KIF16B: variants seen among roughly 807,000 people sequenced by gnomAD.
KIF16B encodes the protein kinesin family member 16B.
KIF16B carries 98 observed loss-of-function variants against 156.3 expected under a neutral mutation model. The observed-to-expected ratio is 0.63, with a 90% CI of 0.53 to 0.74. The LOEUF is 0.74. Ranked by LOEUF, KIF16B falls within the 30% of genes least tolerant of loss-of-function variation. The pLI is 0.00. For missense variants in KIF16B, 1,421 were observed against 1,606.5 expected, an observed-to-expected ratio of 0.88 and a Z score of 1.97; for synonymous variants, 564 against 583.7, an observed-to-expected ratio of 0.97 and a Z score of 0.49.
chr20:16,552,106 T>C (rs16997876), intron 1 of KIF16B, among the ~76,000 whole-genome samples: 14,545 of 152,220 alleles, frequency 0.096, 782 homozygotes, highest in East Asian at 0.29. Flanking sequence ...TGATTAATCA[T>C]GCCTTTTAAT....
chr20:16,337,189 G>A (rs1449132143), intron 23 of KIF16B, among the ~76,000 whole-genome samples: 3 of 152,122 alleles, frequency 2.0e-5, no homozygotes, highest in Non-Finnish European at 4.4e-5. Flanking sequence ...GCCTTTGCAC[G>A]GGCCATGCTC....
At chr20:16,289,851 A>C (rs1172086698) in intron 25 of KIF16B, among the ~76,000 whole-genome samples, 2 of 152,186 alleles carry the variant, frequency 1.3e-5, no homozygotes, top group Non-Finnish European at 2.9e-5. Context: ...AAAAACAAAC[A>C]AAGAAAAGAG....
intron 9 of KIF16B, 26 bp from the exon 10 acceptor site, chr20:16,504,573 A>T (rs1228413029): frequency 6.2e-7 from 1 of 1,600,414 alleles, no homozygotes; most frequent in East Asian, 2.2e-5. Flanking sequence ...TCAAAAAATA[A>T]TTTATCCAGC....
chr20:16,430,767 A>G (rs754653262), intron 12 of KIF16B, among the ~76,000 whole-genome samples: 122 of 151,756 alleles, frequency 8.0e-4, no homozygotes, highest in Middle Eastern at 3.4e-3. Flanking sequence ...TGACTCTCAA[A>G]TTGCATCTCC....
rs2068950711 is a variant in KIF16B at position 16,511,398 on chromosome 20, T to C, written c.556+20A>G. 3 of 1,267,636 alleles carry C rather than the reference T, an allele frequency of 2.4e-6. No homozygotes were observed. The Admixed American group carries it at 5.9e-5, about 25-fold the overall frequency. The allele number at this position is 1,267,636 out of a possible 1,614,324, so 78.5% of individuals were successfully genotyped here. A position where few individuals can be genotyped will look rare whatever the true frequency, so the allele number is the denominator to read the frequency against. On this transcript the variant is annotated intron_variant, in intron 6 of 25. Transcript: ENST00000354981. ...ACATAGATCACAAAAAGAATATGGC[T>C]GTGAAATATCTACTCTTACCCTCAA...
intron 12 of KIF16B, among the ~76,000 whole-genome samples, chr20:16,440,885 G>C (rs1324425781): frequency 2.0e-5 from 3 of 151,826 alleles, no homozygotes; most frequent in Admixed American, 1.3e-4. Context: ...TCTTTTGGAT[G>C]AAACAGTCCT....
intron 24 of KIF16B, among the ~76,000 whole-genome samples, chr20:16,317,958 C>T (rs6080227): frequency 0.15 from 22,153 of 152,228 alleles, 1,726 homozygotes; most frequent in Admixed American, 0.16. Context: ...TTGGCTTTAT[C>T]GCCCACAGCC....
intron 12 of KIF16B, among the ~76,000 whole-genome samples, chr20:16,487,444 G>C (rs75340978): frequency 2.6e-5 from 4 of 152,172 alleles, no homozygotes; most frequent in African/African-American, 9.6e-5. Context: ...CCCCAGTTAC[G>C]AGAGCTGCTT....
intron 17 of KIF16B, among the ~76,000 whole-genome samples, chr20:16,400,421 A>G (rs1272521631): frequency 6.6e-6 from 1 of 152,202 alleles, no homozygotes; most frequent in Non-Finnish European, 1.5e-5. Flanking sequence ...GGAATGCAAA[A>G]TGGTGCAGCT....
At chr20:16,412,127 A>C (rs1012940262) in intron 15 of KIF16B, among the ~76,000 whole-genome samples, 1 of 152,060 alleles carries the variant, frequency 6.6e-6, no homozygotes. Context: ...GAAACAGAGA[A>C]GAGACCATGA....
At chr20:16,286,557 A>G (rs570406226) in intron 25 of KIF16B, among the ~76,000 whole-genome samples, 1 of 152,316 alleles carries the variant, frequency 6.6e-6, no homozygotes, top group East Asian at 1.9e-4. Flanking sequence ...ATCCTTAAAC[A>G]TCGTCATCTT....
At chr20:16,402,994 G>C (rs2065692798) in intron 17 of KIF16B, among the ~76,000 whole-genome samples, 1 of 152,228 alleles carries the variant, frequency 6.6e-6, no homozygotes, top group African/African-American at 2.4e-5. Flanking sequence ...AAGGCAAAGA[G>C]GGGCCCATGG....
chr20:16,429,332 G>T (rs770214355), intron 13 of KIF16B, among the ~76,000 whole-genome samples: 2 of 152,190 alleles, frequency 1.3e-5, no homozygotes, highest in Non-Finnish European at 2.9e-5. Context: ...TATAGTTTAT[G>T]TAAGTCTGCA....
At chr20:16,279,969 T>C (rs1400850118) in intron 25 of KIF16B, among the ~76,000 whole-genome samples, 3 of 152,220 alleles carry the variant, frequency 2.0e-5, no homozygotes, top group Admixed American at 6.5e-5. Context: ...AATTAGTTTA[T>C]GCATCAGGAA....
chr20:16,506,597 C>G (rs965278140), intron 7 of KIF16B, among the ~76,000 whole-genome samples: 1 of 152,138 alleles, frequency 6.6e-6, no homozygotes, highest in Admixed American at 6.5e-5. Context: ...CGGAAAAGAG[C>G]ATTCAACCAT....
At chr20:16,515,295 T>C (rs2069108887) in intron 4 of KIF16B, among the ~76,000 whole-genome samples, 1 of 152,166 alleles carries the variant, frequency 6.6e-6, no homozygotes, top group African/African-American at 2.4e-5. Flanking sequence ...TTTGATAAGA[T>C]TATAAGGCCT....
intron 17 of KIF16B, among the ~76,000 whole-genome samples, chr20:16,389,271 C>T (rs566095614): frequency 4.6e-5 from 7 of 152,296 alleles, no homozygotes; most frequent in Non-Finnish European, 5.9e-5. Flanking sequence ...ATTTGATTCT[C>T]TGCTGTGGCC....
In KIF16B at chr20:16,406,451, C is replaced by T. The variant is rs1354178663; in HGVS notation, c.1618G>A (p.Val540Met). ...VEATHLNQGA[V>M]ILLGRTNMFR... ...ATATTGGTTCTTCCCAAGAGAATCA[C>T]AGCACCTGAAAACACACAAAAACAG... Residue 540 changes from valine (V) to methionine (M), a missense_variant, in exon 16 of 26, where the codon GTG becomes ATG. Val to Met is a conservative substitution (Grantham distance 21). Transcript: ENST00000354981. 2 of 1,613,366 alleles carry T rather than the reference C, an allele frequency of 1.2e-6. No individual in the cohort carries two copies. The highest frequency in any genetic ancestry group is 1.7e-6 in the Non-Finnish European group (2 of 1,179,484).
chr20:16,392,627 C>T (rs1437298244), intron 17 of KIF16B, among the ~76,000 whole-genome samples: 1 of 152,252 alleles, frequency 6.6e-6, no homozygotes, highest in East Asian at 1.9e-4. Context: ...ATACGCCTAA[C>T]CAGGCAATGC....
Sources: allele counts gnomAD v4.1 joint callset (sites outside exome capture counted in the v4.1 genomes callset), GRCh38; gene constraint gnomAD v4.1.1; transcripts MANE v1.5; gene names NCBI Gene and HGNC (gene_info 2026-07-23, HGNC 2026-07-21).